ADAMTS17: variants seen among roughly 807,000 people sequenced by gnomAD.
ADAMTS17 encodes A disintegrin and metalloproteinase with thrombospondin motifs 17.
A neutral mutation model predicts 141.5 loss-of-function variants in ADAMTS17; 113 were observed. That is an observed-to-expected ratio of 0.80 (90% confidence interval 0.69 to 0.93). ADAMTS17 has a LOEUF of 0.93. Ranked by LOEUF, ADAMTS17 falls within the 40% of genes least tolerant of loss-of-function variation. The pLI, the probability that ADAMTS17 is intolerant of heterozygous loss-of-function variation, is 0.00. For synonymous variants in ADAMTS17, 768 were observed against 630.6 expected (o/e 1.22, Z -3.27); for missense variants, 1,659 against 1,517.9 (o/e 1.09, Z -1.54).
At chr15:100,174,333 T>A (rs1359669325) in intron 8 of ADAMTS17, among the ~76,000 whole-genome samples, 1 of 150,878 alleles carries the variant, frequency 6.6e-6, no homozygotes, top group Non-Finnish European at 1.5e-5. Flanking sequence ...ATCTAGATAG[T>A]CTGCCCTGAC....
At chr15:100,226,942 G>T (rs988218894) in intron 7 of ADAMTS17, among the ~76,000 whole-genome samples, 2 of 152,146 alleles carry the variant, frequency 1.3e-5, no homozygotes, top group African/African-American at 4.8e-5. Flanking sequence ...TAATATTTGT[G>T]ATTTGATGCA....
At chr15:100,301,963 T>A (rs1334199041) in intron 3 of ADAMTS17, among the ~76,000 whole-genome samples, 1 of 152,196 alleles carries the variant, frequency 6.6e-6, no homozygotes, top group East Asian at 1.9e-4. Context: ...ATTTAGCATA[T>A]ACAGTTGTTT....
In ADAMTS17 at chr15:100,309,928, G is replaced by C. The variant is rs571214102; in HGVS notation, c.616+20961C>G. 2.0e-5 allele frequency among the ~76,000 whole-genome samples: 3 copies of C among 152,326 alleles called. No homozygotes were observed. In the South Asian group the frequency reaches 6.2e-4, roughly 32 times the overall value. ...CAGGACCCTTGCAGGGGCAGCTTCA[G>C]GGAAAGGCGTCAGGGATAGGAAACA... On this transcript the variant is annotated intron_variant, in intron 3 of 21. Transcript: ENST00000268070.
chr15:100,072,966 A>G (rs966217632), intron 15 of ADAMTS17, among the ~76,000 whole-genome samples: 2 of 152,244 alleles, frequency 1.3e-5, no homozygotes, highest in Admixed American at 6.5e-5. Flanking sequence ...AACTACCATC[A>G]GAGTGAACAG....
intron 10 of ADAMTS17, among the ~76,000 whole-genome samples, chr15:100,134,010 T>G (rs2038193928): frequency 6.6e-6 from 1 of 152,208 alleles, no homozygotes; most frequent in South Asian, 2.1e-4. Context: ...CTCCCAACTG[T>G]ATCATTAGGA....
chr15:100,054,202 G>C, intron 15 of ADAMTS17, 148 bp from the exon 16 acceptor site: 2 of 897,254 alleles, frequency 2.2e-6, no homozygotes, highest in Non-Finnish European at 3.6e-6. Context: ...GAGAAGGCGA[G>C]TGCTCTGTAT....
chr15:100,159,478 G>C (rs1304548483), intron 8 of ADAMTS17, among the ~76,000 whole-genome samples: 2 of 151,994 alleles, frequency 1.3e-5, no homozygotes, highest in African/African-American at 2.4e-5. Flanking sequence ...TCTTAAATTT[G>C]ACTTAGGGTT....
chr15:100,157,544 T>C (rs113376842), intron 8 of ADAMTS17, among the ~76,000 whole-genome samples: 5,530 of 152,268 alleles, frequency 0.036, 328 homozygotes, highest in African/African-American at 0.13. Context: ...GCTATCAACC[T>C]CAGACCCTCC....
chr15:100,298,527 T>C (rs1381157485), intron 3 of ADAMTS17, among the ~76,000 whole-genome samples: 1 of 152,198 alleles, frequency 6.6e-6, no homozygotes, highest in South Asian at 2.1e-4. Flanking sequence ...ACACCCCAGA[T>C]GGCAGAACCG....
intron 13 of ADAMTS17, among the ~76,000 whole-genome samples, chr15:100,113,592 T>C (rs1400427568): frequency 6.6e-6 from 1 of 152,252 alleles, no homozygotes. Context: ...TGCCGTGGGC[T>C]ACCCTACCAG....
At chr15:100,061,493 GT>G (rs2033121501) in intron 15 of ADAMTS17, among the ~76,000 whole-genome samples, 2 of 152,208 alleles carry the variant, frequency 1.3e-5, no homozygotes, top group African/African-American at 2.4e-5. Context: ...ACAAGAGCTG[GT>G]TCTCCTGGGT....
At chr15:100,170,649 A>C (rs2040124902) in intron 8 of ADAMTS17, among the ~76,000 whole-genome samples, 1 of 152,230 alleles carries the variant, frequency 6.6e-6, no homozygotes. Flanking sequence ...GAAATGCTCT[A>C]GGTCAATTGG....
At chr15:100,228,243 C>G (rs2042370921) in intron 7 of ADAMTS17, among the ~76,000 whole-genome samples, 1 of 152,222 alleles carries the variant, frequency 6.6e-6, no homozygotes, top group South Asian at 2.1e-4. Context: ...TCCGAAAGGC[C>G]TCAGAACAGT....
intron 3 of ADAMTS17, among the ~76,000 whole-genome samples, chr15:100,314,985 G>C (rs984573702): frequency 6.6e-6 from 1 of 152,236 alleles, no homozygotes; most frequent in Non-Finnish European, 1.5e-5. Flanking sequence ...GGCACAAGGA[G>C]TGAGGGGTCC....
chr15:100,125,343 C>G (rs894844535), intron 12 of ADAMTS17, among the ~76,000 whole-genome samples: 1 of 152,242 alleles, frequency 6.6e-6, no homozygotes, highest in Non-Finnish European at 1.5e-5. Flanking sequence ...AATGCCAGAT[C>G]GCTGGCACAT....
intron 3 of ADAMTS17, among the ~76,000 whole-genome samples, chr15:100,288,082 C>G (rs988073937): frequency 7.9e-5 from 12 of 152,182 alleles, no homozygotes; most frequent in African/African-American, 2.9e-4. Flanking sequence ...GATAAAGAAG[C>G]AAGAAACAAC....
In ADAMTS17 at chr15:100,286,237, C is replaced by T. The variant is rs572509591; in HGVS notation, c.617-4836G>A. Among the ~76,000 whole-genome samples the T allele has an allele frequency of 2.6e-5, 4 of 152,304 alleles. No individual in the cohort carries two copies. In the South Asian group the frequency reaches 8.3e-4, roughly 32 times the overall value. Reference sequence around the variant, plus strand: ...TCCCTCCCCGCAAAACGTGAATGTGCATGTGCACCCTGCTGCCCTACCACT... The same window carrying T: ...TCCCTCCCCGCAAAACGTGAATGTGTATGTGCACCCTGCTGCCCTACCACT... On this transcript the variant is annotated intron_variant, in intron 3 of 21. Transcript: ENST00000268070.
At chr15:100,155,122 T>C in intron 9 of ADAMTS17, 58 bp downstream of exon 9, 1 of 1,612,424 alleles carries the variant, frequency 6.2e-7, no homozygotes, top group Non-Finnish European at 8.5e-7. Flanking sequence ...TCCAATACTT[T>C]TGTCTTTTGG....
At chr15:100,208,319 C>G (rs1431990508) in intron 7 of ADAMTS17, among the ~76,000 whole-genome samples, 1 of 152,212 alleles carries the variant, frequency 6.6e-6, no homozygotes, top group East Asian at 1.9e-4. Flanking sequence ...TTTACCTTGA[C>G]TCATTCAAAA....
Sources: gnomAD v4.1 joint callset for allele counts (sites outside exome capture counted in the v4.1 genomes callset) on GRCh38, gnomAD v4.1.1 for gene constraint, MANE v1.5 for transcripts, NCBI Gene and HGNC (gene_info 2026-07-23, HGNC 2026-07-21) for gene names.